Variants in CCDC149 observed in about 807,000 individuals in gnomAD.
CCDC149 encodes the protein coiled-coil domain containing 149.
A neutral mutation model predicts 59.9 loss-of-function variants in CCDC149; 45 were observed. The observed-to-expected ratio is 0.75, with a 90% CI of 0.59 to 0.96. The LOEUF (loss-of-function observed/expected upper bound fraction) is 0.96, where lower values mean the gene tolerates loss of function less well. Among genes scored for constraint, CCDC149 ranks in the 40% least tolerant of loss-of-function variants. CCDC149 has a pLI of 0.00. For missense variants in CCDC149, 584 were observed against 664.7 expected (o/e 0.88, Z 1.33); for synonymous variants, 245 against 260.6 (o/e 0.94, Z 0.58).
chr4:24,915,513 A>C (rs1269163350), upstream of CCDC149, among the ~76,000 whole-genome samples: 8 of 152,248 alleles, frequency 5.3e-5, no homozygotes, highest in Non-Finnish European at 8.8e-5. Flanking sequence ...TTCGCATTCC[A>C]GACTATGTGC....
intron 1 of CCDC149, among the ~76,000 whole-genome samples, chr4:24,947,072 AATTATGTTAATTTTC>A (rs1723131874): frequency 6.6e-6 from 1 of 152,124 alleles, no homozygotes; most frequent in African/African-American, 2.4e-5. Context: ...TCTTTGGATA[AATTATGTTAATTTTC>A]CCCCTTTATT....
intron 11 of CCDC149, among the ~76,000 whole-genome samples, chr4:24,820,621 C>G (rs1715331361): frequency 1.3e-5 from 2 of 152,202 alleles, no homozygotes; most frequent in South Asian, 4.1e-4. Context: ...GCAGACAGAA[C>G]AGACTGATCT....
At chr4:24,926,706 G>A (rs1330175246) in intron 1 of CCDC149, among the ~76,000 whole-genome samples, 2 of 152,182 alleles carry the variant, frequency 1.3e-5, no homozygotes, top group Admixed American at 6.5e-5. Flanking sequence ...CAGAAATGGC[G>A]TAACAGGGAA....
intron 1 of CCDC149, among the ~76,000 whole-genome samples, chr4:24,931,049 T>C (rs1440009424): frequency 6.6e-6 from 1 of 151,998 alleles, no homozygotes; most frequent in East Asian, 1.9e-4. Flanking sequence ...CTAAACTCTT[T>C]TGTCTGGAAT....
At chr4:24,877,498 T>C (rs578075372) in intron 1 of CCDC149, among the ~76,000 whole-genome samples, 9 of 151,816 alleles carry the variant, frequency 5.9e-5, no homozygotes, top group Non-Finnish European at 1.2e-4. Flanking sequence ...TAGTTTTTAT[T>C]GTAAAAAAAA....
rs374080604 is a variant in CCDC149, at chr4:24,865,010, G to A, written c.264+8671C>T. On this transcript the variant is annotated intron_variant, in intron 3 of 12. Transcript: ENST00000635206. ...GAGGAATGACTGTATATGTAACCTC[G>A]CCATGGAAAAGTTATTCTACACCAT... Among the ~76,000 whole-genome samples, 130 of 152,134 alleles carry A rather than the reference G, an allele frequency of 8.5e-4. 1 individual carries two copies. The South Asian group carries it at 0.024, about 28-fold the overall frequency.
chr4:24,841,796 A>G (rs1004607037), intron 4 of CCDC149, among the ~76,000 whole-genome samples: 3 of 152,242 alleles, frequency 2.0e-5, no homozygotes, highest in African/African-American at 7.2e-5. Context: ...ACACAGCAGT[A>G]AAAGTGTAGG....
chr4:24,818,285 T>C (rs1715144117), intron 12 of CCDC149, among the ~76,000 whole-genome samples: 1 of 152,102 alleles, frequency 6.6e-6, no homozygotes, highest in Non-Finnish European at 1.5e-5. Context: ...GAGTTGGTGA[T>C]GTCATGCTTG....
chr4:24,883,785 T>G (rs1719990124), intron 1 of CCDC149, among the ~76,000 whole-genome samples: 1 of 152,176 alleles, frequency 6.6e-6, no homozygotes, highest in Non-Finnish European at 1.5e-5. Context: ...CATTTGACAG[T>G]CAACACTCTG....
intron 3 of CCDC149, among the ~76,000 whole-genome samples, chr4:24,855,820 T>C (rs1717969344): frequency 6.6e-6 from 1 of 152,150 alleles, no homozygotes. Context: ...ATTTTGTAGG[T>C]AGGAAAGCAA....
intron 4 of CCDC149, among the ~76,000 whole-genome samples, chr4:24,839,657 A>G (rs1716815310): frequency 6.6e-6 from 1 of 152,188 alleles, no homozygotes; most frequent in African/African-American, 2.4e-5. Context: ...TGCAGCTCCA[A>G]ACCTTCCAGG....
At chr4:24,895,014 C>G in intron 1 of CCDC149, 1 of 1,536,338 alleles carries the variant, frequency 6.5e-7, no homozygotes. Context: ...AGTGGCCGCT[C>G]TGGCGATGAT....
chr4:24,929,868 GTCTC>G (rs1460182953), intron 1 of CCDC149, among the ~76,000 whole-genome samples: 2 of 151,996 alleles, frequency 1.3e-5, no homozygotes, highest in Non-Finnish European at 2.9e-5. Context: ...ACTTTAGACC[GTCTC>G]TCTGACTCTC....
intron 3 of CCDC149, among the ~76,000 whole-genome samples, chr4:24,868,681 T>C (rs918497997): frequency 1.3e-5 from 2 of 152,198 alleles, no homozygotes; most frequent in Non-Finnish European, 1.5e-5. Flanking sequence ...CTGGGTAAGA[T>C]GAAGGGACGG....
chr4:24,880,726 G>A (rs1719784946), intron 1 of CCDC149, among the ~76,000 whole-genome samples: 1 of 152,186 alleles, frequency 6.6e-6, no homozygotes, highest in Admixed American at 6.5e-5. Context: ...GACAAGCTAA[G>A]TCACTGTGCT....
At chr4:24,978,146 C>A (rs991725260) in intron 1 of CCDC149, among the ~76,000 whole-genome samples, 1 of 152,090 alleles carries the variant, frequency 6.6e-6, no homozygotes, top group African/African-American at 2.4e-5. Flanking sequence ...TAAATAAATA[C>A]ATGAATAAAT....
intron 1 of CCDC149, among the ~76,000 whole-genome samples, chr4:24,948,863 T>C (rs1358636465): frequency 6.6e-6 from 1 of 152,178 alleles, no homozygotes; most frequent in Non-Finnish European, 1.5e-5. Context: ...ATAAATCTCA[T>C]GAGATCTGAT....
At chr4:24,948,650 G>A (rs538321447) in intron 1 of CCDC149, among the ~76,000 whole-genome samples, 1 of 152,286 alleles carries the variant, frequency 6.6e-6, no homozygotes, top group East Asian at 1.9e-4. Context: ...CAGTGGCAGT[G>A]CTCCTGCCCA....
At chr4:24,883,363 T>C (rs1015716234) in intron 1 of CCDC149, among the ~76,000 whole-genome samples, 28 of 151,418 alleles carry the variant, frequency 1.8e-4, no homozygotes, top group African/African-American at 6.3e-4. Flanking sequence ...CAAGCCGCCA[T>C]TTTAAAAGTC....
Sources: allele counts gnomAD v4.1 joint callset (sites outside exome capture counted in the v4.1 genomes callset), GRCh38; gene constraint gnomAD v4.1.1; transcripts MANE v1.5; gene names NCBI Gene and HGNC (gene_info 2026-07-23, HGNC 2026-07-21).